The following EHHADH variants were observed in gnomAD, a reference collection of about 807,000 sequenced individuals.
EHHADH encodes the protein enoyl-CoA hydratase and 3-hydroxyacyl CoA dehydrogenase, also known as peroxisomal bifunctional enzyme.
Under a neutral mutation model 64.4 loss-of-function variants are expected in EHHADH, and 48 were observed. That is an observed-to-expected ratio of 0.75 (90% confidence interval 0.59 to 0.95). The LOEUF (loss-of-function observed/expected upper bound fraction) is 0.95, where lower values mean the gene tolerates loss of function less well. Ranked by LOEUF, EHHADH falls within the 40% of genes least tolerant of loss-of-function variation. The probability of loss-of-function intolerance (pLI) is 0.00; values close to 1 mark genes in which losing one functional copy is unlikely to be tolerated. For synonymous variants in EHHADH, 308 were observed against 326.7 expected (o/e 0.94, Z 0.62); for missense variants, 854 against 876.6 (o/e 0.97, Z 0.33).
chr3:185,250,723 C>A (rs1162917941), intron 1 of EHHADH, among the ~76,000 whole-genome samples: 5 of 152,146 alleles, frequency 3.3e-5, no homozygotes, highest in Non-Finnish European at 7.4e-5. Context: ...TCCCTTACAC[C>A]TAATTACTTT....
In EHHADH at chr3:185,191,643, C is replaced by T. The variant is rs1717871297; in HGVS notation, c.*583G>A. ...GATGTTCTCTAAGACCCTTCTTACACTAAGTTAACGACTTACTACTTTCTA... is the reference window on the plus strand; with the variant it reads ...GATGTTCTCTAAGACCCTTCTTACATTAAGTTAACGACTTACTACTTTCTA... On this transcript the variant is annotated 3_prime_UTR_variant, in exon 7 of 7. Transcript: ENST00000231887. 1.3e-5 allele frequency: 2 copies of T among 152,912 alleles called. No homozygotes were observed. Among genetic ancestry groups the T allele is most frequent in the African/African-American group, 2.4e-5 (1 of 41,566 alleles). 9.5% of individuals were successfully genotyped at this position (152,912 alleles called of 1,614,324 possible).
intron 4 of EHHADH, among the ~76,000 whole-genome samples, chr3:185,223,323 G>A (rs942480253): frequency 1.3e-5 from 2 of 151,986 alleles, no homozygotes; most frequent in Non-Finnish European, 1.5e-5. Context: ...CTAAGGTTTT[G>A]ATTTTAAATA....
chr3:185,251,372 G>A (rs1560024290), intron 1 of EHHADH, among the ~76,000 whole-genome samples: 1 of 152,184 alleles, frequency 6.6e-6, no homozygotes, highest in African/African-American at 2.4e-5. Flanking sequence ...ACTGCTTTCG[G>A]TTACGTGTTT....
At chr3:185,227,590 C>A (rs1719014432) in intron 4 of EHHADH, among the ~76,000 whole-genome samples, 1 of 152,030 alleles carries the variant, frequency 6.6e-6, no homozygotes, top group Non-Finnish European at 1.5e-5. Context: ...CTTTGGGAGG[C>A]CGAGGCAGGC....
At chr3:185,226,105 T>C (rs1020722126) in intron 4 of EHHADH, among the ~76,000 whole-genome samples, 1 of 152,186 alleles carries the variant, frequency 6.6e-6, no homozygotes, top group African/African-American at 2.4e-5. Flanking sequence ...GTCTAACCAC[T>C]TGGTATTCAA....
chr3:185,208,682 A>G (rs539925367), intron 5 of EHHADH, among the ~76,000 whole-genome samples: 6 of 152,342 alleles, frequency 3.9e-5, no homozygotes, highest in Admixed American at 3.3e-4. Flanking sequence ...GAATCTACAC[A>G]AGAGAAATGA....
intron 5 of EHHADH, among the ~76,000 whole-genome samples, chr3:185,209,337 T>G (rs550552839): frequency 6.6e-6 from 1 of 152,292 alleles, no homozygotes; most frequent in African/African-American, 2.4e-5. Context: ...TTAATAAGAA[T>G]CCTTATGGTA....
chr3:185,234,246 T>C (rs1354017469), intron 3 of EHHADH, among the ~76,000 whole-genome samples: 1 of 152,142 alleles, frequency 6.6e-6, no homozygotes. Context: ...TAAACCTATT[T>C]CCAGAAATTT....
At chr3:185,228,619 C>T (rs1208591075) in intron 4 of EHHADH, among the ~76,000 whole-genome samples, 1 of 149,490 alleles carries the variant, frequency 6.7e-6, no homozygotes, top group East Asian at 2.0e-4. Flanking sequence ...TGGAGGTTGC[C>T]GTGAGCCGAG....
intron 5 of EHHADH, among the ~76,000 whole-genome samples, chr3:185,213,119 C>CAAAAAAAAAAAAAAAAAAAAAAAAAAAA (rs550233979): frequency 1.6e-4 from 7 of 43,056 alleles, no homozygotes; most frequent in African/African-American, 5.6e-4. Context: ...GACTCTGTCT[C>CAAAAAAAAAAAAAAAAAAAAAAAAAAAA]AAAAAAAAAA....
chr3:185,223,847 A>C (rs893211001), intron 4 of EHHADH, among the ~76,000 whole-genome samples: 1 of 152,194 alleles, frequency 6.6e-6, no homozygotes, highest in African/African-American at 2.4e-5. Context: ...ATAAAACAGA[A>C]AGAGGAGCAG....
chr3:185,248,350 C>T (rs901809775), intron 2 of EHHADH, 64 bp downstream of exon 2: 48 of 1,120,920 alleles, frequency 4.3e-5, no homozygotes, highest in Non-Finnish European at 5.8e-5. Flanking sequence ...ACAGCTAATG[C>T]AGTATTGGTC....
At chr3:185,203,312 A>G (rs368966771) in intron 6 of EHHADH, among the ~76,000 whole-genome samples, 4 of 152,180 alleles carry the variant, frequency 2.6e-5, no homozygotes, top group East Asian at 1.9e-4. Context: ...GATAAAAAGT[A>G]TATGAGAATT....
In EHHADH at chr3:185,213,829, G is replaced by A. The variant is rs1007672514; in HGVS notation, c.568+4307C>T. 4.0e-5 allele frequency among the ~76,000 whole-genome samples: 6 copies of A among 149,630 alleles called. No individual in the cohort carries two copies. In the South Asian group the frequency reaches 6.3e-4, roughly 16 times the overall value. ...TGAGAAGAGGAGATTGCAGTGAGCCGAGGTCATGTCATTGCACTCCAGCCT... is the reference window on the plus strand; with the variant it reads ...TGAGAAGAGGAGATTGCAGTGAGCCAAGGTCATGTCATTGCACTCCAGCCT... On this transcript the variant is annotated intron_variant, in intron 5 of 6. Transcript: ENST00000231887.
At chr3:185,204,151 AAAAAAAAG>A (rs1382029920) in intron 6 of EHHADH, among the ~76,000 whole-genome samples, 11 of 149,830 alleles carry the variant, frequency 7.3e-5, no homozygotes, top group East Asian at 6.5e-4. Context: ...AAAAAAAAAA[AAAAAAAAG>A]AATAAAACAT....
chr3:185,235,507 G>T, intron 2 of EHHADH, 45 bp from the exon 3 acceptor site: 1 of 1,512,194 alleles, frequency 6.6e-7, no homozygotes, highest in South Asian at 1.3e-5. Flanking sequence ...AGAAATACAT[G>T]GGCATTGTTA....
chr3:185,235,170 A>C, intron 3 of EHHADH, 120 bp downstream of exon 3: 85 of 883,820 alleles, frequency 9.6e-5, no homozygotes, highest in Non-Finnish European at 1.3e-4. Flanking sequence ...ACAGAGTGAG[A>C]CTCCATCTCA....
At chr3:185,231,888 G>A (rs1215557114) in intron 3 of EHHADH, among the ~76,000 whole-genome samples, 1 of 152,140 alleles carries the variant, frequency 6.6e-6, no homozygotes, top group Non-Finnish European at 1.5e-5. Flanking sequence ...GCACAACTCT[G>A]AGAATATACT....
intron 6 of EHHADH, among the ~76,000 whole-genome samples, chr3:185,194,345 G>A (rs1297294992): frequency 1.3e-5 from 2 of 152,054 alleles, no homozygotes; most frequent in Admixed American, 1.3e-4. Context: ...AGGTGCAATG[G>A]CTCACACTTG....
Sources: allele counts gnomAD v4.1 joint callset (sites outside exome capture counted in the v4.1 genomes callset), GRCh38; gene constraint gnomAD v4.1.1; transcripts MANE v1.5; gene names NCBI Gene and HGNC (gene_info 2026-07-23, HGNC 2026-07-21).